The following CSMD1 variants were observed in gnomAD, a reference collection of about 807,000 sequenced individuals.
CSMD1 encodes the protein CUB and sushi domain-containing protein 1.
A neutral mutation model predicts 417.5 loss-of-function variants in CSMD1; 213 were observed. That is an observed-to-expected ratio of 0.51 (90% CI 0.46 to 0.57). The LOEUF (loss-of-function observed/expected upper bound fraction) is 0.57, where lower values mean the gene tolerates loss of function less well. Among genes scored for constraint, CSMD1 ranks in the 20% least tolerant of loss-of-function variants. The probability of loss-of-function intolerance (pLI) is 0.00; values close to 1 mark genes in which losing one functional copy is unlikely to be tolerated. For synonymous variants in CSMD1, 2,862 were observed against 1,736.8 expected, an observed-to-expected ratio of 1.65 and a Z score of -16.11; for missense variants, 6,923 against 4,529.7, an observed-to-expected ratio of 1.53 and a Z score of -15.17.
intron 2 of CSMD1, among the ~76,000 whole-genome samples, chr8:4,504,190 A>T (rs1802405474): frequency 6.6e-6 from 1 of 152,120 alleles, no homozygotes; most frequent in African/African-American, 2.4e-5. Context: ...ATATGGATGA[A>T]CCTCAAGGTC....
At chr8:4,788,382 G>A (rs997415797) in intron 1 of CSMD1, 53 of 1,422,644 alleles carry the variant, frequency 3.7e-5, no homozygotes, top group Non-Finnish European at 4.9e-5. Flanking sequence ...ACCAGACTGG[G>A]GAGCTCAGGA....
chr8:4,549,828 C>T (rs1310176939), intron 2 of CSMD1, among the ~76,000 whole-genome samples: 2 of 132,804 alleles, frequency 1.5e-5, no homozygotes, highest in South Asian at 2.3e-4. Context: ...GCCCAGGAGG[C>T]AGAGGTTGCA....
chr8:4,131,079 A>C (rs774209999), intron 3 of CSMD1, among the ~76,000 whole-genome samples: 10 of 152,218 alleles, frequency 6.6e-5, no homozygotes, highest in Non-Finnish European at 1.0e-4. Flanking sequence ...GCCTCAGAGA[A>C]GTGTGATTTC....
intron 12 of CSMD1, among the ~76,000 whole-genome samples, chr8:3,460,262 G>C (rs1426488678): frequency 1.3e-5 from 2 of 152,154 alleles, no homozygotes; most frequent in African/African-American, 4.8e-5. Flanking sequence ...AATGATCCTT[G>C]TTGGGGAGAT....
chr8:2,977,586 A>C (rs1805036636), intron 55 of CSMD1, among the ~76,000 whole-genome samples: 1 of 152,214 alleles, frequency 6.6e-6, no homozygotes, highest in Admixed American at 6.5e-5. Flanking sequence ...CATGGGATCT[A>C]ACTAAACAAA....
intron 5 of CSMD1, among the ~76,000 whole-genome samples, chr8:3,755,864 G>C (rs1472481096): frequency 6.6e-6 from 1 of 151,956 alleles, no homozygotes; most frequent in African/African-American, 2.4e-5. Flanking sequence ...GATTTATGTA[G>C]TACTGGCTGG....
At chr8:3,391,261 C>T (rs6558766) in intron 17 of CSMD1, among the ~76,000 whole-genome samples, 1 of 151,956 alleles carries the variant, frequency 6.6e-6, no homozygotes, top group African/African-American at 2.4e-5. Context: ...CATGATATAT[C>T]AATCACACAG....
At chr8:3,338,898 A>G (rs371617889) in intron 23 of CSMD1, among the ~76,000 whole-genome samples, 3 of 150,966 alleles carry the variant, frequency 2.0e-5, no homozygotes, top group South Asian at 4.2e-4. Flanking sequence ...GGTTAGTTAC[A>G]TATGTATACA....
chr8:4,630,954 G>C (rs754524249), intron 2 of CSMD1, among the ~76,000 whole-genome samples: 7 of 152,160 alleles, frequency 4.6e-5, no homozygotes, highest in Non-Finnish European at 1.0e-4. Context: ...CCATCAATAA[G>C]AAGTCAAAAC....
At chr8:4,880,825 T>A (rs1803349257) in intron 1 of CSMD1, among the ~76,000 whole-genome samples, 1 of 152,126 alleles carries the variant, frequency 6.6e-6, no homozygotes, top group Non-Finnish European at 1.5e-5. Flanking sequence ...ACTTTTGTTG[T>A]CATTCTTGTC....
chr8:4,223,346 T>G, intron 3 of CSMD1, among the ~76,000 whole-genome samples: 1 of 152,232 alleles, frequency 6.6e-6, no homozygotes. Flanking sequence ...TCAGAACAAT[T>G]TAAACTCCTA....
chr8:4,775,029 A>G (rs1266864026), intron 1 of CSMD1, among the ~76,000 whole-genome samples: 2 of 152,168 alleles, frequency 1.3e-5, no homozygotes, highest in Non-Finnish European at 2.9e-5. Context: ...ATGGACTAAT[A>G]TATGAACAAT....
At chr8:4,128,606 A>G (rs901379750) in intron 3 of CSMD1, among the ~76,000 whole-genome samples, 2 of 152,162 alleles carry the variant, frequency 1.3e-5, no homozygotes, top group Admixed American at 1.3e-4. Context: ...CATTGTTACA[A>G]AGCCCATGCT....
chr8:4,900,042 G>A (rs1412152274), intron 1 of CSMD1, among the ~76,000 whole-genome samples: 3 of 152,064 alleles, frequency 2.0e-5, no homozygotes, highest in Non-Finnish European at 4.4e-5. Context: ...AAAATACGAC[G>A]TTTTTGCATT....
chr8:4,312,074 A>C (rs1798615004), intron 3 of CSMD1, among the ~76,000 whole-genome samples: 1 of 152,094 alleles, frequency 6.6e-6, no homozygotes, highest in African/African-American at 2.4e-5. Context: ...AAATACGTAG[A>C]ATGTGTGTCA....
chr8:3,641,743 C>T (rs1473621160), intron 7 of CSMD1, among the ~76,000 whole-genome samples: 2 of 152,172 alleles, frequency 1.3e-5, no homozygotes, highest in Admixed American at 6.5e-5. Context: ...GACCAGGATT[C>T]TCCCTGCTAC....
intron 3 of CSMD1, among the ~76,000 whole-genome samples, chr8:4,226,426 A>G (rs577866761): frequency 1.3e-5 from 2 of 152,330 alleles, no homozygotes; most frequent in African/African-American, 4.8e-5. Flanking sequence ...AACATGCAGA[A>G]TTAATTCAGC....
At chr8:3,735,046 A>G (rs1796459588) in intron 6 of CSMD1, among the ~76,000 whole-genome samples, 1 of 152,198 alleles carries the variant, frequency 6.6e-6, no homozygotes, top group Non-Finnish European at 1.5e-5. Flanking sequence ...AAAATAGGTG[A>G]TATGAATGTG....
chr8:4,323,229 T>C (rs1218369678), intron 3 of CSMD1, among the ~76,000 whole-genome samples: 1 of 152,196 alleles, frequency 6.6e-6, no homozygotes, highest in African/African-American at 2.4e-5. Context: ...GTAAGAGAAG[T>C]TAGGCATTAT....
Sources: gnomAD v4.1 joint callset for allele counts (sites outside exome capture counted in the v4.1 genomes callset) on GRCh38, gnomAD v4.1.1 for gene constraint, MANE v1.5 for transcripts, NCBI Gene and HGNC (gene_info 2026-07-23, HGNC 2026-07-21) for gene names.